LRBA: variants seen among roughly 807,000 people sequenced by gnomAD.
The protein encoded by LRBA is LPS responsive beige-like anchor protein, also known as lipopolysaccharide-responsive and beige-like anchor protein.
Under a neutral mutation model 330.0 loss-of-function variants are expected in LRBA, and 176 were observed. That is an observed-to-expected ratio of 0.53 (90% confidence interval 0.47 to 0.60). The LOEUF is 0.60. Ranked by LOEUF, LRBA falls within the 20% of genes least tolerant of loss-of-function variation. The pLI is 0.00. For synonymous variants in LRBA, 1,230 were observed against 1,193.0 expected (o/e 1.03, Z -0.64); for missense variants, 3,259 against 3,444.8 (o/e 0.95, Z 1.35).
Position 150,436,819 on chromosome 4 carries a change from G to A in LRBA, c.6826C>T (p.Arg2276Cys), listed in dbSNP as rs373106840. 8.7e-6 allele frequency: 14 copies of A among 1,613,514 alleles called. No homozygotes were observed. Among genetic ancestry groups the A allele is most frequent in the East Asian group, 6.7e-5 (3 of 44,840 alleles). ...NPKRAAFFAE[R>C]YESWEDDQVP... Reference sequence around the variant, plus strand: ...TGATCATCTTCCCATGATTCATAACGCTCAGCGAAGAATGCTGCTCTTTTT... The same window carrying A: ...TGATCATCTTCCCATGATTCATAACACTCAGCGAAGAATGCTGCTCTTTTT... The change falls in exon 45 of 57, where the codon CGT (arginine) becomes TGT (cysteine). Residue 2276 changes from arginine to cysteine, a missense_variant. Coordinates refer to ENST00000651943, the MANE Select transcript of LRBA (RefSeq NM_001364905.1).
chr4:150,327,990 C>A lies in LRBA; in HGVS notation c.7363-2092G>T, dbSNP rs551585250. Among the ~76,000 whole-genome samples the A allele has an allele frequency of 5.3e-5, 8 of 152,224 alleles. No homozygotes were observed. In the East Asian group the frequency reaches 1.2e-3, roughly 22 times the overall value. On this transcript the variant is annotated intron_variant, in intron 48 of 56. Transcript: ENST00000651943. ...TGGAGGTTCTGAGAGCAGTCCAAAA[C>A]ATGAGGAATTATACACCTGGGTCCT...
intron 40 of LRBA, among the ~76,000 whole-genome samples, chr4:150,586,802 CTCTATA>C (rs1772170358): frequency 6.6e-6 from 1 of 152,134 alleles, no homozygotes; most frequent in Non-Finnish European, 1.5e-5. Flanking sequence ...TTAGGCTTTG[CTCTATA>C]TGTGTTTAAA....
At chr4:151,005,121 C>G (rs1270241677) in intron 2 of LRBA, among the ~76,000 whole-genome samples, 3 of 151,890 alleles carry the variant, frequency 2.0e-5, no homozygotes, top group Non-Finnish European at 4.4e-5. Flanking sequence ...TAAAATCCCA[C>G]AAAAATTTAG....
chr4:150,712,767 G>C (rs1252826364), intron 36 of LRBA, among the ~76,000 whole-genome samples: 1 of 152,046 alleles, frequency 6.6e-6, no homozygotes, highest in Non-Finnish European at 1.5e-5. Flanking sequence ...CTTTATCAAA[G>C]AATACTACCA....
At chr4:150,930,822 C>T (rs901302722) in intron 2 of LRBA, among the ~76,000 whole-genome samples, 1 of 152,196 alleles carries the variant, frequency 6.6e-6, no homozygotes, top group African/African-American at 2.4e-5. Context: ...ATCATCACTA[C>T]CAAGCAGTGT....
At chr4:150,566,064 CA>C (rs5862926) in intron 40 of LRBA, among the ~76,000 whole-genome samples, 29 of 136,412 alleles carry the variant, frequency 2.1e-4, no homozygotes, top group African/African-American at 3.4e-4. Context: ...CCTGTCTCTA[CA>C]AAAAAAAAAA....
intron 52 of LRBA, among the ~76,000 whole-genome samples, chr4:150,303,513 C>G (rs1301143719): frequency 1.3e-5 from 2 of 152,108 alleles, no homozygotes; most frequent in East Asian, 1.9e-4. Flanking sequence ...AAACACAGAA[C>G]AGTTGTTCAT....
At chr4:150,879,302 C>A (rs1728107153) in intron 17 of LRBA, among the ~76,000 whole-genome samples, 1 of 152,090 alleles carries the variant, frequency 6.6e-6, no homozygotes. Flanking sequence ...AAAAAACTTT[C>A]AATAAAATCC....
chr4:150,528,557 G>A (rs1037365508), intron 40 of LRBA, among the ~76,000 whole-genome samples: 6 of 151,436 alleles, frequency 4.0e-5, no homozygotes, highest in African/African-American at 1.5e-4. Flanking sequence ...TCTATATACA[G>A]TTTAAAGGTC....
At chr4:150,488,377 T>C (rs1358274209) in intron 41 of LRBA, among the ~76,000 whole-genome samples, 2 of 151,654 alleles carry the variant, frequency 1.3e-5, no homozygotes, top group Non-Finnish European at 3.0e-5. Flanking sequence ...TTATCTTTCA[T>C]ATGTTCAAAT....
chr4:150,916,930 C>T (rs1164491836), intron 5 of LRBA, among the ~76,000 whole-genome samples, 192 bp from the exon 6 acceptor site: 1 of 151,982 alleles, frequency 6.6e-6, no homozygotes, highest in Non-Finnish European at 1.5e-5. Context: ...GAGGCAGGTG[C>T]ATCACAAGGT....
chr4:150,609,742 T>C (rs567328208), intron 37 of LRBA, among the ~76,000 whole-genome samples: 29 of 152,212 alleles, frequency 1.9e-4, no homozygotes, highest in African/African-American at 6.7e-4. Flanking sequence ...ATGAAAGGAA[T>C]TAGAGAGCTA....
chr4:151,007,977 C>A (rs1245792514), intron 2 of LRBA, among the ~76,000 whole-genome samples: 1 of 151,566 alleles, frequency 6.6e-6, no homozygotes, highest in African/African-American at 2.4e-5. Flanking sequence ...GTAATGAACA[C>A]AGGATGTAAA....
chr4:150,900,159 T>C lies in LRBA; in HGVS notation c.1814A>G (p.Tyr605Cys). ...STEFIGTVNIYNTIRRVGTVL... is the reference protein window; with the variant it reads ...STEFIGTVNICNTIRRVGTVL... Reference sequence around the variant, plus strand: ...TGTTCCAACTCTCCGAATGGTGTTATATATGTTGACTGTACCAATGAATTC... The same window carrying C: ...TGTTCCAACTCTCCGAATGGTGTTACATATGTTGACTGTACCAATGAATTC... The change falls in exon 14 of 57, where the codon TAT becomes TGT. Residue 605 changes from tyrosine to cysteine, a missense_variant. Coordinates refer to ENST00000651943, the MANE Select transcript of LRBA (RefSeq NM_001364905.1). 2 of 1,613,058 alleles carry C rather than the reference T, an allele frequency of 1.2e-6. No homozygotes were observed. The highest frequency in any genetic ancestry group is 1.1e-5 in the South Asian group (1 of 91,060).
chr4:150,955,817 G>A (rs534571888), intron 2 of LRBA, among the ~76,000 whole-genome samples: 12 of 148,362 alleles, frequency 8.1e-5, no homozygotes, highest in African/African-American at 1.8e-4. Flanking sequence ...ACTTGAACCC[G>A]GGAGGCAGAG....
rs116955597 is a variant in LRBA at position 150,510,723 on chromosome 4, C to T, written c.6331-19688G>A. On this transcript the variant is annotated intron_variant, in intron 40 of 56. Transcript: ENST00000651943. ...CACTGCTTCTATTGTTGCCAAAGCA[C>T]GCTGGGGTGTGAGATGTAGAGCTAA... 1.1e-3 allele frequency among the ~76,000 whole-genome samples: 166 copies of T among 152,258 alleles called. 4 individuals carry two copies. In the East Asian group the frequency reaches 0.026, roughly 24 times the overall value.
In LRBA at chr4:150,583,979, C is replaced by T; in HGVS notation, c.6330+4069G>A. 1.2e-6 allele frequency: 2 copies of T among 1,614,160 alleles called. No individual in the cohort carries two copies. Among genetic ancestry groups the T allele is most frequent in the Non-Finnish European group, 1.7e-6 (2 of 1,180,006 alleles). Reference sequence around the variant, plus strand: ...TCCTGCCTGCAGTGCCGCCGCTGCCCTCACTACTTTCTGCCCAACCTCGAC... The same window carrying T: ...TCCTGCCTGCAGTGCCGCCGCTGCCTTCACTACTTTCTGCCCAACCTCGAC... On this transcript the variant is annotated intron_variant, in intron 40 of 56. Transcript: ENST00000651943. This position sits in a 1 kb window ranked among gnomAD's most constrained non-coding sequence, Gnocchi z 9.8.
chr4:150,537,310 T>TA (rs1764765674), intron 40 of LRBA, among the ~76,000 whole-genome samples: 1 of 152,136 alleles, frequency 6.6e-6, no homozygotes, highest in Non-Finnish European at 1.5e-5. Flanking sequence ...CCTTTCAAAA[T>TA]ATACAAAAAT....
intron 2 of LRBA, among the ~76,000 whole-genome samples, chr4:150,972,535 C>G (rs1739699068): frequency 6.6e-6 from 1 of 152,086 alleles, no homozygotes; most frequent in African/African-American, 2.4e-5. Flanking sequence ...ACGCATGTAA[C>G]AAAATACCAT....
Sources: allele counts gnomAD v4.1 joint callset (sites outside exome capture counted in the v4.1 genomes callset), GRCh38; gene constraint gnomAD v4.1.1; non-coding constraint Gnocchi (gnomAD v3.1); transcripts MANE v1.5; gene names NCBI Gene and HGNC (gene_info 2026-07-23, HGNC 2026-07-21).